The following ACTR2 variants were observed in gnomAD, a reference collection of about 807,000 sequenced individuals.
The protein encoded by ACTR2 is actin related protein 2.
ACTR2 carries 5 observed loss-of-function variants against 50.2 expected under a neutral mutation model. The ratio of observed to expected loss-of-function variants is 0.10; its 90% CI spans 0.05 to 0.21. ACTR2 has a LOEUF of 0.21. Among genes scored for constraint, ACTR2 ranks in the 10% least tolerant of loss-of-function variants. The pLI is 1.00. For synonymous variants in ACTR2, 140 were observed against 162.9 expected (o/e 0.86, Z 1.07); for missense variants, 180 against 480.6 (o/e 0.37, Z 5.85).
rs200356120 is a variant in ACTR2, at chr2:65,268,561, T to C, written c.1015-3T>C. 1.3e-4 allele frequency: 207 copies of C among 1,610,332 alleles called. 1 individual carries two copies. The African/African-American group carries it at 1.5e-3, about 11-fold the overall frequency. On this transcript the variant is annotated splice_polypyrimidine_tract_variant and splice_region_variant and intron_variant, in intron 8 of 8. Coordinates refer to ENST00000260641, the MANE Select transcript of ACTR2 (RefSeq NM_005722.4). Reference sequence around the variant, plus strand: ...ATTTCATTATCCTTTCTTTCTCCTTTAGAAATTTAAGATCCGCATTGAAGA... The same window carrying C: ...ATTTCATTATCCTTTCTTTCTCCTTCAGAAATTTAAGATCCGCATTGAAGA...
intron 8 of ACTR2, among the ~76,000 whole-genome samples, chr2:65,266,423 G>A (rs1385645040): frequency 6.6e-6 from 1 of 152,144 alleles, no homozygotes; most frequent in Admixed American, 6.5e-5. Context: ...GAGTGTGCCA[G>A]TGTGGCTGGA....
At chr2:65,239,641 A>G (rs186378645) in intron 1 of ACTR2, among the ~76,000 whole-genome samples, 1 of 152,354 alleles carries the variant, frequency 6.6e-6, no homozygotes, top group East Asian at 1.9e-4. Context: ...CTAATTTAGC[A>G]GTAAATAAAC....
chr2:65,259,414 C>A (rs1672218824), intron 6 of ACTR2, among the ~76,000 whole-genome samples: 1 of 151,552 alleles, frequency 6.6e-6, no homozygotes. Context: ...AGATGAAGAC[C>A]CTATCTCAAA....
At chr2:65,262,655 C>G (rs1014139734) in intron 7 of ACTR2, among the ~76,000 whole-genome samples, 3 of 152,024 alleles carry the variant, frequency 2.0e-5, no homozygotes, top group African/African-American at 7.2e-5. Flanking sequence ...CTTTTTATTT[C>G]TGTCATTAAG....
intron 1 of ACTR2, among the ~76,000 whole-genome samples, chr2:65,232,480 T>G (rs1671658151): frequency 6.6e-6 from 1 of 152,212 alleles, no homozygotes; most frequent in African/African-American, 2.4e-5. Context: ...CCAAATTTGG[T>G]TTCATCTTGC....
chr2:65,235,623 C>T (rs190780397), intron 1 of ACTR2, among the ~76,000 whole-genome samples: 17 of 152,108 alleles, frequency 1.1e-4, no homozygotes, highest in South Asian at 4.2e-4. Context: ...GGTGCAGTGG[C>T]GAGCGCCTGT....
intron 5 of ACTR2, 72 bp downstream of exon 5, chr2:65,253,936 T>TAA (rs1672100925): frequency 7.4e-7 from 1 of 1,354,592 alleles, no homozygotes; most frequent in East Asian, 2.4e-5. Context: ...GAATTGAATC[T>TAA]ATCGTTTTAG....
chr2:65,252,250 T>C (rs536812367), intron 4 of ACTR2, among the ~76,000 whole-genome samples: 1 of 151,848 alleles, frequency 6.6e-6, no homozygotes, highest in Non-Finnish European at 1.5e-5. Context: ...TTTTTTGCAA[T>C]GGAAATCCTC....
At chr2:65,263,521 A>G (rs2104020705) in intron 7 of ACTR2, among the ~76,000 whole-genome samples, 2 of 152,322 alleles carry the variant, frequency 1.3e-5, no homozygotes, top group Middle Eastern at 6.8e-3. Context: ...TTATTTGTGT[A>G]ACCCTGAGTT....
intron 7 of ACTR2, among the ~76,000 whole-genome samples, chr2:65,262,146 T>C (rs944050440): frequency 6.6e-6 from 1 of 152,222 alleles, no homozygotes; most frequent in Non-Finnish European, 1.5e-5. Flanking sequence ...TTATCAGATG[T>C]CTGATTTGCA....
chr2:65,253,276 C>A (rs1400911885), intron 4 of ACTR2, among the ~76,000 whole-genome samples: 1 of 151,838 alleles, frequency 6.6e-6, no homozygotes, highest in Non-Finnish European at 1.5e-5. Context: ...TCTGTCTCTA[C>A]AAAAAAATTA....
At chr2:65,257,102 C>T (rs1004316809) in intron 6 of ACTR2, among the ~76,000 whole-genome samples, 4 of 152,012 alleles carry the variant, frequency 2.6e-5, no homozygotes, top group African/African-American at 9.6e-5. Context: ...CTCCCCTTGC[C>T]GCCCCCCACC....
intron 3 of ACTR2, among the ~76,000 whole-genome samples, chr2:65,249,266 G>T (rs3771099): frequency 0.52 from 79,037 of 152,000 alleles, 21,086 homozygotes; most frequent in East Asian, 0.79. Context: ...AGAAGAAAAT[G>T]TTGTTAGTAT....
chr2:65,245,434 C>T (rs896840154), intron 2 of ACTR2, among the ~76,000 whole-genome samples: 1 of 151,984 alleles, frequency 6.6e-6, no homozygotes, highest in African/African-American at 2.4e-5. Flanking sequence ...GCAGGAGAAT[C>T]GCTTGAACCT....
chr2:65,255,808 A>G (rs1672138907), intron 6 of ACTR2, 114 bp downstream of exon 6: 2 of 870,422 alleles, frequency 2.3e-6, no homozygotes, highest in Non-Finnish European at 3.4e-6. Context: ...GGTTGTTGTA[A>G]TATGTATATG....
Position 65,227,883 on chromosome 2 carries a change from C to G in ACTR2, c.-27C>G, listed in dbSNP as rs761841788. ...GCGGCGGTGGCTGTAGGTTGTGCGG[C>G]TGCAGCGGCTCTTCCCTGGGCGGAC... On this transcript the variant is annotated 5_prime_UTR_variant, in exon 1 of 9. Transcript: ENST00000260641. 1 of 1,503,628 alleles carries G rather than the reference C, an allele frequency of 6.7e-7. No homozygotes were observed. Among genetic ancestry groups the G allele is most frequent in the South Asian group, 1.2e-5 (1 of 80,218 alleles). The allele number at this position is 1,503,628 out of a possible 1,614,324, so 93.1% of individuals were successfully genotyped here. A position where few individuals can be genotyped will look rare whatever the true frequency, so the allele number is the denominator to read the frequency against.
intron 2 of ACTR2, among the ~76,000 whole-genome samples, chr2:65,243,733 G>C (rs904373968): frequency 1.3e-5 from 2 of 152,182 alleles, no homozygotes; most frequent in Non-Finnish European, 2.9e-5. Context: ...AATTTGAGGT[G>C]ACATTGTTCA....
At chr2:65,236,159 T>G (rs1264160143) in intron 1 of ACTR2, among the ~76,000 whole-genome samples, 2 of 152,032 alleles carry the variant, frequency 1.3e-5, no homozygotes. Context: ...GCCAACATGG[T>G]GAAACCCCGT....
chr2:65,252,974 A>G (rs1342082197), intron 4 of ACTR2, among the ~76,000 whole-genome samples: 1 of 152,222 alleles, frequency 6.6e-6, no homozygotes, highest in Non-Finnish European at 1.5e-5. Flanking sequence ...GCCTTTTATT[A>G]TAAGTTCCAG....
Sources: allele counts gnomAD v4.1 joint callset (sites outside exome capture counted in the v4.1 genomes callset), GRCh38; gene constraint gnomAD v4.1.1; transcripts MANE v1.5; gene names NCBI Gene and HGNC (gene_info 2026-07-23, HGNC 2026-07-21).